CRB1: variants seen among roughly 807,000 people sequenced by gnomAD.
CRB1 encodes the protein protein crumbs homolog 1.
Under a neutral mutation model 120.0 loss-of-function variants are expected in CRB1, and 83 were observed. The ratio of observed to expected loss-of-function variants is 0.69; its 90% CI spans 0.58 to 0.83. The LOEUF is 0.83. Ranked by LOEUF, CRB1 falls within the 40% of genes least tolerant of loss-of-function variation. CRB1 has a pLI of 0.00. For missense variants in CRB1, 1,699 were observed against 1,687.6 expected, an observed-to-expected ratio of 1.01 and a Z score of -0.12; for synonymous variants, 625 against 612.5, an observed-to-expected ratio of 1.02 and a Z score of -0.30.
At chr1:197,285,210 T>C (rs1655753128) in intron 1 of CRB1, among the ~76,000 whole-genome samples, 1 of 151,868 alleles carries the variant, frequency 6.6e-6, no homozygotes, top group South Asian at 2.1e-4. Context: ...GAGAAGTTTG[T>C]CCAAGAGCAC....
chr1:197,351,782 AG>A (rs1660125786), intron 4 of CRB1, among the ~76,000 whole-genome samples: 1 of 152,100 alleles, frequency 6.6e-6, no homozygotes. Flanking sequence ...GAGTGAGAAA[AG>A]GGCACAGGTT....
chr1:197,345,241 C>T (rs961715928), intron 3 of CRB1, among the ~76,000 whole-genome samples: 2 of 152,066 alleles, frequency 1.3e-5, no homozygotes, highest in Non-Finnish European at 2.9e-5. Flanking sequence ...TTAAAATTAT[C>T]GTTTGATTCT....
the CRB1 span, among the ~76,000 whole-genome samples, chr1:197,238,054 C>T: frequency 6.6e-6 from 1 of 152,118 alleles, no homozygotes; most frequent in East Asian, 1.9e-4. Context: ...TTTCACTTTT[C>T]ACTGAGTTTA....
chr1:197,341,281 G>A (rs982401982), intron 2 of CRB1, among the ~76,000 whole-genome samples: 2 of 152,142 alleles, frequency 1.3e-5, no homozygotes, highest in Admixed American at 6.5e-5. Flanking sequence ...AGTGGCTCAT[G>A]CCTGTAATCC....
intron 2 of CRB1, among the ~76,000 whole-genome samples, chr1:197,330,777 T>A (rs1156263210): frequency 8.4e-6 from 1 of 119,508 alleles, no homozygotes; most frequent in Non-Finnish European, 1.7e-5. Context: ...ATTTTACATA[T>A]ATCTATGTTT....
intron 1 of CRB1, among the ~76,000 whole-genome samples, chr1:197,282,264 C>G (rs1018519190): frequency 2.0e-5 from 3 of 151,624 alleles, no homozygotes; most frequent in African/African-American, 7.3e-5. Flanking sequence ...TCCTTACTTA[C>G]AAATTCAGTA....
intron 8 of CRB1, among the ~76,000 whole-genome samples, chr1:197,431,130 G>A (rs1664850993): frequency 6.6e-6 from 1 of 151,928 alleles, no homozygotes; most frequent in Non-Finnish European, 1.5e-5. Context: ...TGGAACTAGA[G>A]GATAGTTTGG....
At chr1:197,356,699 T>C in intron 4 of CRB1, 132 bp from the exon 5 acceptor site, 1 of 839,266 alleles carries the variant, frequency 1.2e-6, no homozygotes, top group Admixed American at 2.0e-5. Context: ...AGATTCCCCT[T>C]ACCAGCTCCT....
rs185693579 is a variant in CRB1 at position 197,380,661 on chromosome 1, A to C, written c.1171+23648A>C. On this transcript the variant is annotated intron_variant, in intron 5 of 11. Transcript: ENST00000367400. ...GCACCAAGCTGGGCACTTAACTTCA[A>C]TCATAGTTAAATTTTGTAAAGCCCC... 1.3e-3 allele frequency among the ~76,000 whole-genome samples: 196 copies of C among 152,306 alleles called. 2 individuals carry two copies. The highest frequency in any genetic ancestry group is 4.4e-3 in the African/African-American group (183 of 41,560).
intron 5 of CRB1, among the ~76,000 whole-genome samples, chr1:197,358,855 T>G (rs537837788): frequency 6.6e-6 from 1 of 152,282 alleles, no homozygotes; most frequent in South Asian, 2.1e-4. Flanking sequence ...GAAAATCTAG[T>G]CTTTCTGTGT....
chr1:197,412,090 C>T (rs1408401107), intron 5 of CRB1, among the ~76,000 whole-genome samples: 5 of 152,172 alleles, frequency 3.3e-5, no homozygotes, highest in Admixed American at 6.5e-5. Context: ...GTATTCTATA[C>T]GGTGGAACAC....
chr1:197,358,367 G>C (rs1393441962), intron 5 of CRB1, among the ~76,000 whole-genome samples: 1 of 152,178 alleles, frequency 6.6e-6, no homozygotes, highest in Non-Finnish European at 1.5e-5. Context: ...TTCTGTGAAA[G>C]TCAAAGGACA....
At chr1:197,405,187 T>A (rs1008399902) in intron 5 of CRB1, among the ~76,000 whole-genome samples, 1 of 152,094 alleles carries the variant, frequency 6.6e-6, no homozygotes, top group African/African-American at 2.4e-5. Context: ...CTGATTCTCC[T>A]GCCTTAGCCT....
At chr1:197,219,689 G>T in the CRB1 span, among the ~76,000 whole-genome samples, 1 of 152,172 alleles carries the variant, frequency 6.6e-6, no homozygotes, top group Non-Finnish European at 1.5e-5. Flanking sequence ...GCATTTGAAT[G>T]GCTTCCATTT....
At chr1:197,432,455 T>A (rs1427024660) in intron 8 of CRB1, among the ~76,000 whole-genome samples, 1 of 150,352 alleles carries the variant, frequency 6.7e-6, no homozygotes, top group Non-Finnish European at 1.5e-5. Flanking sequence ...TTAAGTCAAA[T>A]AATACACTTG....
intron 4 of CRB1, among the ~76,000 whole-genome samples, chr1:197,354,467 T>C (rs1245314268): frequency 2.0e-5 from 3 of 152,164 alleles, no homozygotes; most frequent in Non-Finnish European, 4.4e-5. Flanking sequence ...TGTTCGGACG[T>C]GTTCAGAGTT....
chr1:197,212,918 C>T, the CRB1 span, among the ~76,000 whole-genome samples: 1 of 152,026 alleles, frequency 6.6e-6, no homozygotes, highest in Non-Finnish European at 1.5e-5. Context: ...GACCATCCAG[C>T]AAACGGGAAT....
Position 197,354,817 on chromosome 1 carries a change from GCCCCCCCACCCCCCCC to G in CRB1, c.989-2009_989-1994del, listed in dbSNP as rs1660356488. On this transcript the variant is annotated intron_variant, in intron 4 of 11. Transcript: ENST00000367400. ...GCTTTTATTCCCTTATCTGCCCCCC[GCCCCCCCACCCCCCCC>G]CCCCGCCCACCCCCCCCCCCCCGCC... Among the ~76,000 whole-genome samples, 11 of 19,464 alleles carry G rather than the reference GCCCCCCCACCCCCCCC, an allele frequency of 5.7e-4. 1 individual carries two copies. The highest frequency in any genetic ancestry group is 0.036 in the Middle Eastern group (1 of 28). 12.8% of individuals were successfully genotyped at this position (19,464 alleles called of 152,430 possible).
chr1:197,211,469 G>T, the CRB1 span, among the ~76,000 whole-genome samples: 1 of 152,174 alleles, frequency 6.6e-6, no homozygotes, highest in Admixed American at 6.5e-5. Flanking sequence ...TCAGTGTCTG[G>T]TAAGGGCTTT....
Sources: gnomAD v4.1 joint callset for allele counts (sites outside exome capture counted in the v4.1 genomes callset) on GRCh38, gnomAD v4.1.1 for gene constraint, MANE v1.5 for transcripts, NCBI Gene and HGNC (gene_info 2026-07-23, HGNC 2026-07-21) for gene names.